The following ARHGEF3 variants were observed in gnomAD, a reference collection of about 807,000 sequenced individuals.
The protein encoded by ARHGEF3 is 59.8 kDA protein.
In ARHGEF3, 28 loss-of-function variants were observed where a neutral mutation model predicts 63.2. The observed-to-expected ratio is 0.44, with a 90% confidence interval of 0.33 to 0.61. ARHGEF3 has a LOEUF of 0.61. Ranked by LOEUF, ARHGEF3 falls within the 20% of genes least tolerant of loss-of-function variation. The pLI, the probability that ARHGEF3 is intolerant of heterozygous loss-of-function variation, is 0.03. For missense variants in ARHGEF3, 533 were observed against 659.3 expected, an observed-to-expected ratio of 0.81 and a Z score of 2.10; for synonymous variants, 266 against 254.2, an observed-to-expected ratio of 1.05 and a Z score of -0.44.
intron 1 of ARHGEF3, among the ~76,000 whole-genome samples, chr3:57,038,728 A>G (rs1256863440): frequency 6.6e-6 from 1 of 152,220 alleles, no homozygotes; most frequent in East Asian, 1.9e-4. Flanking sequence ...TACAGGCGTC[A>G]GCCATCGCCT....
At chr3:56,867,487 T>A (rs552662295) in intron 4 of ARHGEF3, among the ~76,000 whole-genome samples, 251 of 146,306 alleles carry the variant, frequency 1.7e-3, no homozygotes, top group African/African-American at 6.1e-3. Context: ...TTATTTATTT[T>A]TTTGAGACAA....
intron 2 of ARHGEF3, among the ~76,000 whole-genome samples, chr3:56,987,332 C>T (rs941262319): frequency 2.6e-5 from 4 of 152,308 alleles, no homozygotes; most frequent in South Asian, 4.1e-4. Flanking sequence ...AATCATGTGC[C>T]GGCCACAGGG....
At chr3:57,065,988 G>A (rs1705504669) in intron 1 of ARHGEF3, among the ~76,000 whole-genome samples, 1 of 151,992 alleles carries the variant, frequency 6.6e-6, no homozygotes, top group Non-Finnish European at 1.5e-5. Context: ...GGCTGAGGCA[G>A]GAGGATCACT....
chr3:56,762,558 G>A (rs183260195), intron 2 of ARHGEF3, among the ~76,000 whole-genome samples: 43 of 152,242 alleles, frequency 2.8e-4, no homozygotes, highest in African/African-American at 1.0e-3. Context: ...TAGACATGAT[G>A]GGACAGATCT....
chr3:56,873,765 T>C (rs1192189165), intron 4 of ARHGEF3, among the ~76,000 whole-genome samples: 1 of 152,188 alleles, frequency 6.6e-6, no homozygotes. Flanking sequence ...TTACGATTTC[T>C]GTTTTACAGG....
intron 3 of ARHGEF3, among the ~76,000 whole-genome samples, chr3:56,884,980 C>A (rs560861581): frequency 6.6e-6 from 1 of 152,320 alleles, no homozygotes; most frequent in East Asian, 1.9e-4. Flanking sequence ...AGGGCAAAGC[C>A]TTTTACATAC....
intron 2 of ARHGEF3, among the ~76,000 whole-genome samples, chr3:56,996,429 T>C (rs897235480): frequency 2.0e-5 from 3 of 152,188 alleles, no homozygotes; most frequent in Admixed American, 2.0e-4. Flanking sequence ...TAATCCCCCA[T>C]GTGATGGTAT....
At chr3:57,049,513 T>C (rs1369433887) in intron 1 of ARHGEF3, among the ~76,000 whole-genome samples, 1 of 152,240 alleles carries the variant, frequency 6.6e-6, no homozygotes, top group East Asian at 1.9e-4. Flanking sequence ...GGTTCATTCA[T>C]TCCAGGGTTG....
rs531474281 is a variant in ARHGEF3 at position 56,770,579 on chromosome 3, A to G, written c.204+3130T>C. 5.3e-5 allele frequency among the ~76,000 whole-genome samples: 8 copies of G among 152,300 alleles called. No individual in the cohort carries two copies. In the South Asian group the frequency reaches 1.7e-3, roughly 32 times the overall value. On this transcript the variant is annotated intron_variant, in intron 2 of 9. Coordinates refer to ENST00000296315, the MANE Select transcript of ARHGEF3 (RefSeq NM_019555.3). Reference sequence around the variant, plus strand: ...TGCACCGTGTGCACCAAGGTGAGTTACAAGAAGACATGTGGGGACAAGCTG... The same window carrying G: ...TGCACCGTGTGCACCAAGGTGAGTTGCAAGAAGACATGTGGGGACAAGCTG...
intron 2 of ARHGEF3, among the ~76,000 whole-genome samples, chr3:56,759,383 T>TGTTAGCCAGGG (rs2035287351): frequency 6.6e-6 from 1 of 152,080 alleles, no homozygotes; most frequent in Non-Finnish European, 1.5e-5. Flanking sequence ...TTTCACCATG[T>TGTTAGCCAGGG]TGGTCTCGAT....
intron 1 of ARHGEF3, among the ~76,000 whole-genome samples, chr3:56,793,090 G>A (rs1382529860): frequency 1.3e-5 from 2 of 151,606 alleles, no homozygotes; most frequent in South Asian, 2.1e-4. Flanking sequence ...TGCTACCTCC[G>A]CCTCCCGAGT....
At chr3:57,070,068 A>G (rs1705799183) in intron 1 of ARHGEF3, among the ~76,000 whole-genome samples, 1 of 152,196 alleles carries the variant, frequency 6.6e-6, no homozygotes, top group Non-Finnish European at 1.5e-5. Context: ...TCTTTCCTCA[A>G]ATGAAATTGT....
At chr3:56,757,166 G>A (rs1165541675) in intron 2 of ARHGEF3, among the ~76,000 whole-genome samples, 1 of 152,150 alleles carries the variant, frequency 6.6e-6, no homozygotes, top group African/African-American at 2.4e-5. Flanking sequence ...TTCAACATAA[G>A]GGCATTGTTA....
chr3:56,904,132 C>G (rs755944925), intron 3 of ARHGEF3, among the ~76,000 whole-genome samples: 10 of 152,170 alleles, frequency 6.6e-5, no homozygotes, highest in Non-Finnish European at 1.2e-4. Context: ...CCAGCTTAAG[C>G]TATCCTCCCA....
chr3:56,971,975 T>C (rs2106851768), intron 2 of ARHGEF3, among the ~76,000 whole-genome samples: 1 of 152,210 alleles, frequency 6.6e-6, no homozygotes, highest in Middle Eastern at 3.4e-3. Flanking sequence ...CCACAGCACA[T>C]TCATATCCCA....
At chr3:56,964,196 A>T (rs1004614837) in intron 2 of ARHGEF3, among the ~76,000 whole-genome samples, 11 of 152,064 alleles carry the variant, frequency 7.2e-5, no homozygotes, top group African/African-American at 2.7e-4. Context: ...TACTAAAAAA[A>T]TGCAGAAATT....
At chr3:56,908,078 C>T (rs952083743) in intron 3 of ARHGEF3, among the ~76,000 whole-genome samples, 1 of 152,180 alleles carries the variant, frequency 6.6e-6, no homozygotes, top group Non-Finnish European at 1.5e-5. Flanking sequence ...CCCTTCCCTG[C>T]CCCAGGCAGA....
intron 2 of ARHGEF3, among the ~76,000 whole-genome samples, chr3:56,999,368 T>C (rs61101383): frequency 1.3e-5 from 2 of 152,064 alleles, no homozygotes; most frequent in Non-Finnish European, 2.9e-5. Context: ...TTTTTAATCA[T>C]ACACTTATCT....
At chr3:56,839,993 T>C (rs2039257411) in intron 4 of ARHGEF3, among the ~76,000 whole-genome samples, 1 of 152,142 alleles carries the variant, frequency 6.6e-6, no homozygotes, top group South Asian at 2.1e-4. Context: ...ATCCCAGGCA[T>C]TATCTCATCT....
Sources: allele counts gnomAD v4.1 joint callset (sites outside exome capture counted in the v4.1 genomes callset), GRCh38; gene constraint gnomAD v4.1.1; transcripts MANE v1.5; gene names NCBI Gene and HGNC (gene_info 2026-07-23, HGNC 2026-07-21).